Variants in ANKRD28 observed in about 807,000 individuals in gnomAD.
ANKRD28 encodes ankyrin repeat domain 28.
ANKRD28 carries 44 observed loss-of-function variants against 126.5 expected under a neutral mutation model. That is an observed-to-expected ratio of 0.35 (90% CI 0.27 to 0.45). The LOEUF (loss-of-function observed/expected upper bound fraction) is 0.45, where lower values mean the gene tolerates loss of function less well. Among genes scored for constraint, ANKRD28 ranks in the 20% least tolerant of loss-of-function variants. ANKRD28 has a pLI of 1.00. For synonymous variants in ANKRD28, 442 were observed against 468.5 expected (o/e 0.94, Z 0.73); for missense variants, 1,110 against 1,316.6 (o/e 0.84, Z 2.43).
chr3:15,790,002 G>T (rs941334992), intron 2 of ANKRD28, among the ~76,000 whole-genome samples: 1 of 152,016 alleles, frequency 6.6e-6, no homozygotes, highest in South Asian at 2.1e-4. Flanking sequence ...GCTTGTTAGT[G>T]GTTACTGTAA....
chr3:15,708,193 C>CCTG, intron 13 of ANKRD28, 129 bp from the exon 14 acceptor site: 2 of 1,062,752 alleles, frequency 1.9e-6, no homozygotes, highest in Non-Finnish European at 2.7e-6. Context: ...CTACCATATA[C>CCTG]TAAGTCTTGC....
rs117287161 is a variant in ANKRD28 at position 15,790,966 on chromosome 3, C to T, written c.201+4257G>A. Among the ~76,000 whole-genome samples the T allele has an allele frequency of 2.0e-5, 3 of 152,176 alleles. No homozygotes were observed. The East Asian group carries it at 5.8e-4, about 29-fold the overall frequency. On this transcript the variant is annotated intron_variant, in intron 2 of 27. Transcript: ENST00000683139. ...ATACAAAATCAATGTACAAACATCA[C>T]TAGCATTTCTATATGCCAACAGTGA...
Position 15,838,704 on chromosome 3 carries a change from C to T in ANKRD28, c.27+20673G>A, listed in dbSNP as rs543073542. Among the ~76,000 whole-genome samples, 8 of 151,180 alleles carry T rather than the reference C, an allele frequency of 5.3e-5. No homozygotes were observed. Among genetic ancestry groups the T allele is most frequent in the Non-Finnish European group, 7.4e-5 (5 of 67,932 alleles). On this transcript the variant is annotated intron_variant, in intron 1 of 27. Transcript: ENST00000399451. This position sits in a 1 kb window ranked among gnomAD's most constrained non-coding sequence, Gnocchi z 4.0. ...TAGAGGTTGCAGTGAGCCGGGACCACGCCACTGCACTCCAGCCTGGGCAAC... is the reference window on the plus strand; with the variant it reads ...TAGAGGTTGCAGTGAGCCGGGACCATGCCACTGCACTCCAGCCTGGGCAAC...
At chr3:15,741,965 C>A (rs1306913547) in intron 4 of ANKRD28, among the ~76,000 whole-genome samples, 1 of 151,964 alleles carries the variant, frequency 6.6e-6, no homozygotes, top group Non-Finnish European at 1.5e-5. Context: ...TCTCCAGCTC[C>A]TAACTGCGAG....
At chr3:15,727,652 G>A (rs2074278307) in intron 6 of ANKRD28, among the ~76,000 whole-genome samples, 1 of 151,296 alleles carries the variant, frequency 6.6e-6, no homozygotes, top group African/African-American at 2.4e-5. Flanking sequence ...ATTAACAGGA[G>A]TTTGGAAGAA....
At chr3:15,728,337 C>T (rs567256862) in intron 6 of ANKRD28, among the ~76,000 whole-genome samples, 1 of 152,302 alleles carries the variant, frequency 6.6e-6, no homozygotes, top group South Asian at 2.1e-4. Context: ...CTCTGTCACC[C>T]TGGCTGAAAT....
At chr3:15,766,186 T>A (rs1343486742) in intron 3 of ANKRD28, 48 bp downstream of exon 3, 2 of 1,432,094 alleles carry the variant, frequency 1.4e-6, no homozygotes, top group Admixed American at 1.9e-5. Flanking sequence ...ACATTAAGAA[T>A]AACAAAAATA....
At chr3:15,800,852 T>C (rs1262140494), upstream of ANKRD28, among the ~76,000 whole-genome samples, 1 of 152,066 alleles carries the variant, frequency 6.6e-6, no homozygotes, top group Non-Finnish European at 1.5e-5. Flanking sequence ...CTAAGAGAAA[T>C]ATGTCAGTTT....
chr3:15,774,292 A>C (rs2059156431), intron 2 of ANKRD28, among the ~76,000 whole-genome samples: 1 of 152,230 alleles, frequency 6.6e-6, no homozygotes, highest in Non-Finnish European at 1.5e-5. Context: ...TTTTGTACTG[A>C]GAAAGACATA....
chr3:15,821,876 T>C (rs989310696), intron 1 of ANKRD28, among the ~76,000 whole-genome samples: 2 of 152,186 alleles, frequency 1.3e-5, no homozygotes, highest in Non-Finnish European at 2.9e-5. Context: ...GGTCAAGGGC[T>C]TGTCTTTGTT....
chr3:15,677,412 A>T (rs1488252677), intron 25 of ANKRD28, 68 bp downstream of exon 25: 2 of 1,179,882 alleles, frequency 1.7e-6, no homozygotes, highest in African/African-American at 3.0e-5. Flanking sequence ...ATTTTAGTGA[A>T]GTCAAAAAAC....
At chr3:15,788,844 C>T (rs1293392196) in intron 2 of ANKRD28, among the ~76,000 whole-genome samples, 3 of 151,872 alleles carry the variant, frequency 2.0e-5, no homozygotes, top group African/African-American at 7.3e-5. Context: ...TTTAGAGTGT[C>T]CTGAATTTGG....
chr3:15,722,960 C>A (rs2073879549), intron 7 of ANKRD28, among the ~76,000 whole-genome samples: 1 of 152,006 alleles, frequency 6.6e-6, no homozygotes, highest in Non-Finnish European at 1.5e-5. Context: ...AAACACCACA[C>A]AATTGGGGGC....
Position 15,713,889 on chromosome 3 carries a change from A to C in ANKRD28, c.1076-248T>G, listed in dbSNP as rs190444223. On this transcript the variant is annotated intron_variant, in intron 9 of 27. Coordinates refer to ENST00000683139, the MANE Select transcript of ANKRD28 (RefSeq NM_001349278.2). ...AATTGACAAGAGGGTTCTGGGGTCC[A>C]ATAAGTTTGGAAACTACTGTATTAA... 3.0e-4 allele frequency among the ~76,000 whole-genome samples: 45 copies of C among 152,324 alleles called. No homozygotes were observed. In the East Asian group the frequency reaches 8.3e-3, roughly 28 times the overall value.
rs761880138 is a variant in ANKRD28 at position 15,843,423 on chromosome 3, A to T, written c.27+15954T>A. On this transcript the variant is annotated intron_variant, in intron 1 of 27. Transcript: ENST00000399451. The surrounding 1 kb of genome is among the most constrained non-coding windows in gnomAD (Gnocchi z 5.2). Reference sequence around the variant, plus strand: ...CTATCACCTGGTTTTGCCCCATCTGAGCATCAGAATCTTAATAGCGTCCAT... The same window carrying T: ...CTATCACCTGGTTTTGCCCCATCTGTGCATCAGAATCTTAATAGCGTCCAT... Among the ~76,000 whole-genome samples, 3 of 152,184 alleles carry T rather than the reference A, an allele frequency of 2.0e-5. No individual in the cohort carries two copies. Among genetic ancestry groups the T allele is most frequent in the Non-Finnish European group, 4.4e-5 (3 of 68,032 alleles).
At position 15,853,235 on chromosome 3, in the gene ANKRD28, T is replaced by C. The variant is rs973387131; in HGVS notation, c.27+6142A>G. On this transcript the variant is annotated intron_variant, in intron 1 of 27. Transcript: ENST00000399451. This position sits in a 1 kb window ranked among gnomAD's most constrained non-coding sequence, Gnocchi z 4.2. ...GATTTGATATGATGTGAACCGCCCA[T>C]AGGATACATTATTCAAAACAAAAGA... is the stretch of plus-strand genomic sequence containing the variant. 5.3e-5 allele frequency among the ~76,000 whole-genome samples: 8 copies of C among 152,142 alleles called. No homozygotes were observed. Among genetic ancestry groups the C allele is most frequent in the African/African-American group, 1.9e-4 (8 of 41,424 alleles).
intron 1 of ANKRD28, among the ~76,000 whole-genome samples, chr3:15,825,859 T>C (rs952084394): frequency 8.5e-5 from 13 of 152,162 alleles, no homozygotes; most frequent in Non-Finnish European, 1.9e-4. Context: ...TTTATCTCTT[T>C]AGAAATCCAG....
Position 15,724,511 on chromosome 3 carries a change from T to C in ANKRD28, c.654A>G (p.Val218=), listed in dbSNP as rs569531326. 2 of 1,579,716 alleles carry C rather than the reference T, an allele frequency of 1.3e-6. No individual in the cohort carries two copies. Among genetic ancestry groups the C allele is most frequent in the East Asian group, 2.3e-5 (1 of 43,918 alleles). Residue 218 remains valine (V), a synonymous_variant, in exon 7 of 28, where the codon GTA becomes GTG. Transcript: ENST00000683139. The stretch of plus-strand genomic sequence containing the variant: ...CTCCATGCGACACAAGCAATTTCAC[T>C]ACTTCAATGTGACCTAAAAATGTGT... ...HWAAYMGHIE[V]VKLLVSHGAE...
rs183411594 is a variant in ANKRD28, at chr3:15,808,107, G to T, written c.28-12801C>A. Among the ~76,000 whole-genome samples the T allele has an allele frequency of 2.2e-3, 338 of 152,268 alleles. 3 individuals are homozygous for T. Among genetic ancestry groups the T allele is most frequent in the African/African-American group, 4.7e-3 (194 of 41,546 alleles). On this transcript the variant is annotated intron_variant, in intron 1 of 27. Coordinates refer to the ANKRD28 transcript ENST00000399451. ...CAAGGCTAAGCAGTAGGGAAAACTG[G>T]ATTCTAACCCAGACCCATCTGTCTC...
Sources: allele counts gnomAD v4.1 joint callset (sites outside exome capture counted in the v4.1 genomes callset), GRCh38; gene constraint gnomAD v4.1.1; non-coding constraint Gnocchi (gnomAD v3.1); transcripts MANE v1.5; gene names NCBI Gene and HGNC (gene_info 2026-07-23, HGNC 2026-07-21).